GALNTL6: variants seen among roughly 807,000 people sequenced by gnomAD.
The protein encoded by GALNTL6 is polypeptide N-acetylgalactosaminyltransferase-like 6.
A neutral mutation model predicts 73.7 loss-of-function variants in GALNTL6; 46 were observed. The ratio of observed to expected loss-of-function variants is 0.62; its 90% CI spans 0.49 to 0.80. GALNTL6 has a LOEUF of 0.80. Among genes scored for constraint, GALNTL6 ranks in the 30% least tolerant of loss-of-function variants. GALNTL6 has a pLI of 0.00. For synonymous variants in GALNTL6, 259 were observed against 263.7 expected, an observed-to-expected ratio of 0.98 and a Z score of 0.17; for missense variants, 604 against 755.0, an observed-to-expected ratio of 0.80 and a Z score of 2.34.
intron 5 of GALNTL6, among the ~76,000 whole-genome samples, chr4:172,458,962 C>T (rs1732510220): frequency 6.6e-6 from 1 of 152,142 alleles, no homozygotes; most frequent in Non-Finnish European, 1.5e-5. Flanking sequence ...TGAAAATCCT[C>T]AATAAAATAC....
intron 2 of GALNTL6, among the ~76,000 whole-genome samples, chr4:172,034,825 C>T (rs1460852621): frequency 1.3e-5 from 2 of 151,982 alleles, no homozygotes; most frequent in African/African-American, 4.8e-5. Context: ...TTTGGTGCAT[C>T]AACAGTCAAG....
At chr4:172,189,524 A>T (rs1735510265) in intron 2 of GALNTL6, among the ~76,000 whole-genome samples, 1 of 152,132 alleles carries the variant, frequency 6.6e-6, no homozygotes, top group African/African-American at 2.4e-5. Context: ...ACAAACAGTG[A>T]TGGGGTTACC....
At chr4:172,227,969 G>A (rs1736924596) in intron 2 of GALNTL6, among the ~76,000 whole-genome samples, 1 of 152,080 alleles carries the variant, frequency 6.6e-6, no homozygotes, top group Admixed American at 6.5e-5. Flanking sequence ...GTAAATTAGT[G>A]TTATCTAAAT....
At chr4:172,140,611 A>G (rs1733775233) in intron 2 of GALNTL6, among the ~76,000 whole-genome samples, 1 of 152,062 alleles carries the variant, frequency 6.6e-6, no homozygotes, top group Non-Finnish European at 1.5e-5. Flanking sequence ...AATATACAGT[A>G]TAGGATTTAA....
chr4:172,560,736 G>A (rs1297188423), intron 5 of GALNTL6, among the ~76,000 whole-genome samples: 1 of 152,100 alleles, frequency 6.6e-6, no homozygotes, highest in Non-Finnish European at 1.5e-5. Flanking sequence ...AGAATCAAGT[G>A]ATAGTAAAAT....
intron 2 of GALNTL6, among the ~76,000 whole-genome samples, chr4:171,832,510 GATA>G (rs1560805756): frequency 6.6e-6 from 1 of 151,232 alleles, no homozygotes; most frequent in Non-Finnish European, 1.5e-5. Context: ...TAGATAGATA[GATA>G]ATATTTCTAT....
In GALNTL6 at chr4:171,936,119, T is replaced by C. The variant is rs185754696; in HGVS notation, c.138+121401T>C. 1.6e-3 allele frequency among the ~76,000 whole-genome samples: 246 copies of C among 152,250 alleles called. 1 individual carries two copies. The highest frequency in any genetic ancestry group is 5.6e-3 in the African/African-American group (234 of 41,548). On this transcript the variant is annotated intron_variant, in intron 2 of 12. Coordinates refer to ENST00000506823, the MANE Select transcript of GALNTL6 (RefSeq NM_001034845.3). ...GTTTCCTACATTAGTAAGGAGCCTG[T>C]TTTTTAATGAACAAAGTAACGTGCA...
At chr4:172,999,562 A>G (rs1751952950) in intron 10 of GALNTL6, among the ~76,000 whole-genome samples, 2 of 152,134 alleles carry the variant, frequency 1.3e-5, no homozygotes, top group African/African-American at 4.8e-5. Context: ...ATATTAGTAG[A>G]ACAGTAGATA....
intron 5 of GALNTL6, among the ~76,000 whole-genome samples, chr4:172,739,635 C>T (rs1234923671): frequency 6.6e-6 from 1 of 152,040 alleles, no homozygotes; most frequent in African/African-American, 2.4e-5. Context: ...CATAAAAACT[C>T]TTGAAAATTG....
intron 2 of GALNTL6, among the ~76,000 whole-genome samples, chr4:171,916,937 C>G (rs1022434984): frequency 1.3e-5 from 2 of 151,968 alleles, no homozygotes; most frequent in Non-Finnish European, 2.9e-5. Flanking sequence ...CTGCACCACC[C>G]ACGCAGGGAG....
chr4:171,862,332 A>T (rs149652805), intron 2 of GALNTL6, among the ~76,000 whole-genome samples: 10 of 152,134 alleles, frequency 6.6e-5, no homozygotes, highest in African/African-American at 2.4e-4. Context: ...AAGCATTACC[A>T]GGCCATTGAT....
chr4:171,982,979 C>A (rs1286365905), intron 2 of GALNTL6, among the ~76,000 whole-genome samples: 1 of 152,134 alleles, frequency 6.6e-6, no homozygotes, highest in African/African-American at 2.4e-5. Flanking sequence ...AAGAATGTAA[C>A]CATCTGCTTC....
intron 5 of GALNTL6, among the ~76,000 whole-genome samples, chr4:172,680,795 A>G (rs1228089160): frequency 1.3e-5 from 2 of 152,230 alleles, no homozygotes; most frequent in Non-Finnish European, 2.9e-5. Context: ...CAAAACAGAT[A>G]TTTTATGTCT....
At chr4:173,012,572 T>C (rs1467811935) in intron 11 of GALNTL6, among the ~76,000 whole-genome samples, 1 of 152,236 alleles carries the variant, frequency 6.6e-6, no homozygotes, top group African/African-American at 2.4e-5. Context: ...TTAAACCATG[T>C]GGCCTTGTGA....
intron 7 of GALNTL6, among the ~76,000 whole-genome samples, chr4:172,832,887 A>C (rs1413942060): frequency 6.6e-6 from 1 of 152,144 alleles, no homozygotes; most frequent in African/African-American, 2.4e-5. Context: ...TCACCATCTA[A>C]CAGCTCTGCC....
At chr4:172,729,432 T>G (rs1239487832) in intron 5 of GALNTL6, among the ~76,000 whole-genome samples, 1 of 152,180 alleles carries the variant, frequency 6.6e-6, no homozygotes, top group African/African-American at 2.4e-5. Context: ...GGATCTAGCT[T>G]TATTCTTCTA....
At chr4:171,900,235 T>G (rs1002696533) in intron 2 of GALNTL6, among the ~76,000 whole-genome samples, 2 of 152,312 alleles carry the variant, frequency 1.3e-5, no homozygotes, top group South Asian at 4.1e-4. Flanking sequence ...AATTTTTTCA[T>G]GAATACACAA....
intron 2 of GALNTL6, among the ~76,000 whole-genome samples, chr4:172,109,527 C>G (rs2110976543): frequency 6.6e-6 from 1 of 152,296 alleles, no homozygotes; most frequent in East Asian, 1.9e-4. Flanking sequence ...ATAATATAAA[C>G]AGTAGTCTGA....
At chr4:172,832,001 T>G (rs1359424610) in intron 7 of GALNTL6, among the ~76,000 whole-genome samples, 2 of 152,222 alleles carry the variant, frequency 1.3e-5, no homozygotes, top group African/African-American at 4.8e-5. Flanking sequence ...TATGGTACTT[T>G]GCCAGAGCAG....
Sources: allele counts gnomAD v4.1 joint callset (sites outside exome capture counted in the v4.1 genomes callset), GRCh38; gene constraint gnomAD v4.1.1; transcripts MANE v1.5; gene names NCBI Gene and HGNC (gene_info 2026-07-23, HGNC 2026-07-21).